FAM184A: variants seen among roughly 807,000 people sequenced by gnomAD.
The protein encoded by FAM184A is family with sequence similarity 184 member A.
Under a neutral mutation model 143.8 loss-of-function variants are expected in FAM184A, and 99 were observed. The ratio of observed to expected loss-of-function variants is 0.69; its 90% CI spans 0.58 to 0.81. FAM184A has a LOEUF of 0.81. Ranked by LOEUF, FAM184A falls within the 40% of genes least tolerant of loss-of-function variation. FAM184A has a pLI of 0.00. For synonymous variants in FAM184A, 427 were observed against 446.4 expected (o/e 0.96, Z 0.55); for missense variants, 1,217 against 1,310.5 (o/e 0.93, Z 1.10).
At chr6:119,019,947 C>CG (rs777807701) in intron 4 of FAM184A, 31 bp downstream of exon 4, 36 of 1,479,144 alleles carry the variant, frequency 2.4e-5, no homozygotes, top group Non-Finnish European at 3.1e-5. Flanking sequence ...GGAACTCTTT[C>CG]GGGGGGAATG....
intron 11 of FAM184A, 80 bp downstream of exon 11, chr6:118,979,285 C>T (rs1783946687): frequency 2.9e-6 from 4 of 1,363,742 alleles, no homozygotes; most frequent in Non-Finnish European, 9.9e-7. Context: ...TAAAATAAAA[C>T]TTGGTGATTT....
At chr6:119,087,845 C>A (rs777572067) in intron 1 of FAM184A, among the ~76,000 whole-genome samples, 3 of 152,108 alleles carry the variant, frequency 2.0e-5, no homozygotes, top group Non-Finnish European at 4.4e-5. Context: ...ATGGAAGCAG[C>A]CCAAATGTGT....
chr6:119,118,812 G>GA (rs888979130), intron 1 of FAM184A, among the ~76,000 whole-genome samples: 24 of 149,902 alleles, frequency 1.6e-4, no homozygotes, highest in Non-Finnish European at 2.7e-4. Context: ...TGGGCACCTT[G>GA]AAAAAAAAAC....
intron 1 of FAM184A, among the ~76,000 whole-genome samples, chr6:119,108,872 T>C (rs1296941517): frequency 6.6e-6 from 1 of 152,180 alleles, no homozygotes; most frequent in African/African-American, 2.4e-5. Context: ...TGACTTCTAC[T>C]CAACTTCCAA....
chr6:119,052,613 G>A (rs1360856393), intron 1 of FAM184A, among the ~76,000 whole-genome samples: 1 of 152,186 alleles, frequency 6.6e-6, no homozygotes, highest in African/African-American at 2.4e-5. Context: ...ATGTACAGGA[G>A]GAAAAAAGTC....
intron 1 of FAM184A, among the ~76,000 whole-genome samples, chr6:119,108,511 A>G (rs556282047): frequency 6.6e-6 from 1 of 152,160 alleles, no homozygotes; most frequent in East Asian, 1.9e-4. Flanking sequence ...AAATTCCATG[A>G]TGGTGTACTG....
At chr6:119,133,898 G>A (rs1003032305) in intron 1 of FAM184A, among the ~76,000 whole-genome samples, 3 of 151,254 alleles carry the variant, frequency 2.0e-5, no homozygotes, top group African/African-American at 7.3e-5. Context: ...TGATCTTTGG[G>A]AGGCCAAAGC....
intron 1 of FAM184A, among the ~76,000 whole-genome samples, chr6:119,034,267 C>A (rs1786024899): frequency 6.6e-6 from 1 of 151,568 alleles, no homozygotes; most frequent in East Asian, 1.9e-4. Context: ...CACCACCAAG[C>A]ATTTGTATAT....
chr6:118,991,237 A>G lies in FAM184A; in HGVS notation c.2089-10887T>C, dbSNP rs1007044436. On this transcript the variant is annotated intron_variant, in intron 9 of 17. Coordinates refer to ENST00000338891, the MANE Select transcript of FAM184A (RefSeq NM_024581.6). ...GAGTGCAATGGCACGATCTCGGCGCACTGCAACCTCTGCCCCTTGGATTGA... is the reference window on the plus strand; with the variant it reads ...GAGTGCAATGGCACGATCTCGGCGCGCTGCAACCTCTGCCCCTTGGATTGA... Among the ~76,000 whole-genome samples, 6 of 151,064 alleles carry G rather than the reference A, an allele frequency of 4.0e-5. No individual in the cohort carries two copies. In the East Asian group the frequency reaches 9.8e-4, roughly 25 times the overall value.
intron 1 of FAM184A, among the ~76,000 whole-genome samples, chr6:119,071,329 G>T (rs968748644): frequency 6.6e-6 from 1 of 152,106 alleles, no homozygotes; most frequent in Admixed American, 6.6e-5. Context: ...TCAAAAGAAA[G>T]ACATTTAAAA....
chr6:119,141,395 G>A (rs752025091), intron 1 of FAM184A, among the ~76,000 whole-genome samples: 12 of 152,244 alleles, frequency 7.9e-5, no homozygotes, highest in Non-Finnish European at 1.5e-4. Context: ...GGCACCAACC[G>A]GAGGGGCCTG....
intron 1 of FAM184A, among the ~76,000 whole-genome samples, chr6:119,034,718 G>A (rs889023873): frequency 3.3e-5 from 5 of 151,712 alleles, no homozygotes; most frequent in African/African-American, 1.2e-4. Context: ...TCTCTTTGTG[G>A]AAATCTTACA....
intron 1 of FAM184A, among the ~76,000 whole-genome samples, chr6:119,050,105 T>G (rs1159158488): frequency 6.6e-6 from 1 of 152,022 alleles, no homozygotes; most frequent in African/African-American, 2.4e-5. Context: ...ATGAGAGAAA[T>G]GCAAGTCAAA....
At chr6:119,023,895 C>T (rs1274782447) in intron 2 of FAM184A, 64 bp downstream of exon 2, 22 of 1,458,460 alleles carry the variant, frequency 1.5e-5, no homozygotes, top group Non-Finnish European at 2.0e-5. Flanking sequence ...GCTCTCCAGC[C>T]TACAAAACAA....
intron 9 of FAM184A, among the ~76,000 whole-genome samples, chr6:118,985,767 C>A (rs369925157): frequency 1.5e-4 from 23 of 152,154 alleles, no homozygotes; most frequent in African/African-American, 5.3e-4. Context: ...TAACTCCAAT[C>A]CTTTCAAATA....
Position 119,024,163 on chromosome 6 carries a change from C to A in FAM184A, c.810G>T (p.Gln270His), listed in dbSNP as rs899156316. The A allele has an allele frequency of 5.0e-6, 8 of 1,614,216 alleles. No homozygotes were observed. The highest frequency in any genetic ancestry group is 6.8e-6 in the Non-Finnish European group (8 of 1,180,040). The change falls in exon 2 of 18, where the codon CAG becomes CAT. Residue 270 changes from glutamine (Q) to histidine (H), a missense_variant. By Grantham distance (24) the Gln-to-His change is conservative (BLOSUM62 0). Coordinates refer to ENST00000338891, the MANE Select transcript of FAM184A (RefSeq NM_024581.6). ...ERELDTLKRSQLFTAESLQAS... is the reference protein window; with the variant it reads ...ERELDTLKRSHLFTAESLQAS... The stretch of plus-strand genomic sequence containing the variant: ...CCTGTAGGCTTTCTGCTGTAAAAAG[C>A]TGTGACCTTTTCAAAGTATCAAGCT...
intron 1 of FAM184A, among the ~76,000 whole-genome samples, chr6:119,089,285 C>T (rs1450907878): frequency 6.6e-6 from 1 of 151,598 alleles, no homozygotes; most frequent in Non-Finnish European, 1.5e-5. Context: ...CTCACTGCAA[C>T]CTCCACCTCC....
intron 9 of FAM184A, among the ~76,000 whole-genome samples, chr6:118,981,231 T>C (rs1231686738): frequency 6.6e-6 from 1 of 152,200 alleles, no homozygotes; most frequent in Non-Finnish European, 1.5e-5. Flanking sequence ...TACGTTCATA[T>C]ATGCATTTGA....
At chr6:119,074,545 C>G (rs1211809498) in intron 1 of FAM184A, among the ~76,000 whole-genome samples, 1 of 151,810 alleles carries the variant, frequency 6.6e-6, no homozygotes, top group African/African-American at 2.4e-5. Context: ...GAGGATGAAC[C>G]AGTCTCAAAG....
Sources: gnomAD v4.1 joint callset for allele counts (sites outside exome capture counted in the v4.1 genomes callset) on GRCh38, gnomAD v4.1.1 for gene constraint, MANE v1.5 for transcripts, NCBI Gene and HGNC (gene_info 2026-07-23, HGNC 2026-07-21) for gene names.